GMCL1: variants seen among roughly 807,000 people sequenced by gnomAD.
GMCL1 encodes the protein germ cell-less protein-like 1.
GMCL1 carries 54 observed loss-of-function variants against 75.5 expected under a neutral mutation model. That is an observed-to-expected ratio of 0.71 (90% CI 0.57 to 0.90). The LOEUF (loss-of-function observed/expected upper bound fraction) is 0.90. GMCL1 is among the 40% of genes least tolerant of loss of function. GMCL1 has a pLI of 0.00. For synonymous variants in GMCL1, 210 were observed against 209.6 expected (o/e 1.00, Z -0.02); for missense variants, 537 against 622.7 (o/e 0.86, Z 1.47).
chr2:69,868,088 C>T (rs1675873029), intron 11 of GMCL1, among the ~76,000 whole-genome samples: 1 of 152,180 alleles, frequency 6.6e-6, no homozygotes, highest in East Asian at 1.9e-4. Context: ...TGGACTCTAT[C>T]CATGCTCACC....
intron 1 of GMCL1, among the ~76,000 whole-genome samples, chr2:69,836,576 G>A (rs1329490817): frequency 6.6e-6 from 1 of 152,146 alleles, no homozygotes; most frequent in Admixed American, 6.6e-5. Flanking sequence ...AAGTACACAG[G>A]TGTTAAATTC....
At position 69,879,029 on chromosome 2, in the gene GMCL1, A is replaced by G; in HGVS notation, c.*25A>G. Reference sequence around the variant, plus strand: ...AAAATAATCGTCACCCAGAAAATCCAGAAAACTGAAGATTTCATCAGTTGG... The same window carrying G: ...AAAATAATCGTCACCCAGAAAATCCGGAAAACTGAAGATTTCATCAGTTGG... On this transcript the variant is annotated 3_prime_UTR_variant, in exon 14 of 14. Coordinates refer to ENST00000282570, the MANE Select transcript of GMCL1 (RefSeq NM_178439.5). 2 of 1,427,588 alleles carry G rather than the reference A, an allele frequency of 1.4e-6. No individual in the cohort carries two copies. The highest frequency in any genetic ancestry group is 4.4e-4 in the Middle Eastern group (2 of 4,554). 88.4% of individuals were successfully genotyped at this position (1,427,588 alleles called of 1,614,324 possible). A position where few individuals can be genotyped will look rare whatever the true frequency, so the allele number is the denominator to read the frequency against.
At chr2:69,856,591 A>G (rs576289474) in intron 9 of GMCL1, among the ~76,000 whole-genome samples, 3 of 146,814 alleles carry the variant, frequency 2.0e-5, no homozygotes, top group Non-Finnish European at 4.5e-5. Flanking sequence ...AGACCTTTCT[A>G]CTATATGCCC....
chr2:69,876,096 A>G (rs1676122544), intron 13 of GMCL1, among the ~76,000 whole-genome samples: 1 of 152,194 alleles, frequency 6.6e-6, no homozygotes, highest in African/African-American at 2.4e-5. Flanking sequence ...GTAACTGTCC[A>G]TCTTATAAGA....
chr2:69,872,989 C>T (rs184679628), intron 13 of GMCL1, among the ~76,000 whole-genome samples: 12 of 152,320 alleles, frequency 7.9e-5, no homozygotes, highest in African/African-American at 2.4e-4. Flanking sequence ...GAAATAAAGA[C>T]AGGCTTGTGT....
chr2:69,857,743 T>C (rs1054596055), intron 9 of GMCL1, among the ~76,000 whole-genome samples: 9 of 152,240 alleles, frequency 5.9e-5, no homozygotes, highest in Non-Finnish European at 1.3e-4. Flanking sequence ...GTTTAGTCAC[T>C]CATCTTCATT....
At chr2:69,874,989 C>T (rs1474656542) in intron 13 of GMCL1, among the ~76,000 whole-genome samples, 2 of 152,198 alleles carry the variant, frequency 1.3e-5, no homozygotes, top group South Asian at 2.1e-4. Context: ...AAGTGATCCA[C>T]CTGCCTCCGC....
chr2:69,866,060 C>T (rs1025654025), intron 11 of GMCL1, among the ~76,000 whole-genome samples: 3 of 152,142 alleles, frequency 2.0e-5, no homozygotes, highest in African/African-American at 7.2e-5. Flanking sequence ...ACCATCCTGG[C>T]TAACATGGTG....
At position 69,860,281 on chromosome 2, in the gene GMCL1, C is replaced by T. The variant is rs568099444; in HGVS notation, c.1073-997C>T. Among the ~76,000 whole-genome samples, 8 of 152,238 alleles carry T rather than the reference C, an allele frequency of 5.3e-5. No individual in the cohort carries two copies. The South Asian group carries it at 1.7e-3, about 32-fold the overall frequency. On this transcript the variant is annotated intron_variant, in intron 9 of 13. Coordinates refer to ENST00000282570, the MANE Select transcript of GMCL1 (RefSeq NM_178439.5). Reference sequence around the variant, plus strand: ...GCTTGGGATTACAAGCATGAGCCATCTCACCTGGCCTACTCTTATTTTTAA... The same window carrying T: ...GCTTGGGATTACAAGCATGAGCCATTTCACCTGGCCTACTCTTATTTTTAA...
Position 69,829,690 on chromosome 2 carries a change from C to T in GMCL1, c.-203C>T, listed in dbSNP as rs1349199453. The T allele has an allele frequency of 1.8e-6, 1 of 565,688 alleles. No individual in the cohort carries two copies. Among genetic ancestry groups the T allele is most frequent in the Non-Finnish European group, 3.0e-6 (1 of 332,460 alleles). 35.0% of individuals were successfully genotyped at this position (565,688 alleles called of 1,614,324 possible). A position where few individuals can be genotyped will look rare whatever the true frequency, so the allele number is the denominator to read the frequency against. Reference sequence around the variant, plus strand: ...GTTGCGAAAGCGAGGGGGCGAGGTGCTGCGGTGCTAGAGCGCGGCGCGACC... The same window carrying T: ...GTTGCGAAAGCGAGGGGGCGAGGTGTTGCGGTGCTAGAGCGCGGCGCGACC... On this transcript the variant is annotated 5_prime_UTR_variant, in exon 1 of 14. Coordinates refer to ENST00000282570, the MANE Select transcript of GMCL1 (RefSeq NM_178439.5).
At chr2:69,830,776 T>C (rs1420529753) in intron 1 of GMCL1, among the ~76,000 whole-genome samples, 1 of 152,008 alleles carries the variant, frequency 6.6e-6, no homozygotes, top group African/African-American at 2.4e-5. Context: ...TTTTTTTTTT[T>C]TTTGGATGAG....
chr2:69,863,359 T>C (rs368619041), intron 10 of GMCL1, among the ~76,000 whole-genome samples: 2 of 152,324 alleles, frequency 1.3e-5, no homozygotes, highest in South Asian at 4.1e-4. Context: ...ACCAAGCATC[T>C]GCTCACTGCT....
chr2:69,844,256 T>G, intron 6 of GMCL1, 60 bp downstream of exon 6: 1 of 953,720 alleles, frequency 1.0e-6, no homozygotes, highest in South Asian at 1.6e-5. Flanking sequence ...TATCATTTGT[T>G]AAAGTACATA....
rs1291884597 is a variant in GMCL1 at position 69,865,122 on chromosome 2, GT to G, written c.1218+149del. ...TGTAGCATGATCTGCTGGGAAAGTA[GT>G]TACAGCCACCACACTCAGTAGTGAT... On this transcript the variant is annotated intron_variant, in intron 11 of 13. Coordinates refer to ENST00000282570, the MANE Select transcript of GMCL1 (RefSeq NM_178439.5). 1.1e-5 allele frequency: 6 copies of G among 566,418 alleles called. No individual in the cohort carries two copies. In the Admixed American group the frequency reaches 1.3e-4, roughly 12 times the overall value. 35.1% of individuals were successfully genotyped at this position (566,418 alleles called of 1,614,324 possible).
chr2:69,858,604 T>G (rs991288092), intron 9 of GMCL1, among the ~76,000 whole-genome samples: 1 of 152,194 alleles, frequency 6.6e-6, no homozygotes, highest in Non-Finnish European at 1.5e-5. Context: ...TCTTTTTTTT[T>G]CCTTTTGCAA....
At chr2:69,835,075 A>G (rs1216741660) in intron 1 of GMCL1, among the ~76,000 whole-genome samples, 5 of 152,040 alleles carry the variant, frequency 3.3e-5, no homozygotes, top group African/African-American at 7.2e-5. Flanking sequence ...CCCCACCTAT[A>G]ACCAACTTCG....
Position 69,864,963 on chromosome 2 carries a change from C to G in GMCL1, c.1206C>G (p.Ala402=), listed in dbSNP as rs138299558. ...GNSMRCGRKL[A]KDGEYCWRWT... Reference sequence around the variant, plus strand: ...GCATGAGGTGTGGTAGAAAGCTTGCCAAAGATGGTGAAGTAAGTATGGGTT... The same window carrying G: ...GCATGAGGTGTGGTAGAAAGCTTGCGAAAGATGGTGAAGTAAGTATGGGTT... Residue 402 remains alanine, a synonymous_variant, in exon 11 of 14, where the codon GCC becomes GCG. Coordinates refer to ENST00000282570, the MANE Select transcript of GMCL1 (RefSeq NM_178439.5). 6.2e-7 allele frequency: 1 copy of G among 1,612,210 alleles called. No individual in the cohort carries two copies. Among genetic ancestry groups the G allele is most frequent in the Non-Finnish European group, 8.5e-7 (1 of 1,178,652 alleles).
At chr2:69,845,443 G>A (rs1675113317) in intron 6 of GMCL1, among the ~76,000 whole-genome samples, 1 of 152,172 alleles carries the variant, frequency 6.6e-6, no homozygotes, top group South Asian at 2.1e-4. Flanking sequence ...CTGCAGAGCA[G>A]CCTTTCTTTT....
rs150387701 is a variant in GMCL1, at chr2:69,860,010, A to T, written c.1073-1268A>T. ...GAGCCAATTCTATTTGTATTTATTTATTTTTTTTGAGGCAGGTTCTTGCTC... is the reference window on the plus strand; with the variant it reads ...GAGCCAATTCTATTTGTATTTATTTTTTTTTTTTGAGGCAGGTTCTTGCTC... On this transcript the variant is annotated intron_variant, in intron 9 of 13. Coordinates refer to ENST00000282570, the MANE Select transcript of GMCL1 (RefSeq NM_178439.5). 3.2e-3 allele frequency among the ~76,000 whole-genome samples: 484 copies of T among 151,952 alleles called. 3 individuals are homozygous for T. The highest frequency in any genetic ancestry group is 0.011 in the East Asian group (57 of 5,176).
Sources: allele counts gnomAD v4.1 joint callset (sites outside exome capture counted in the v4.1 genomes callset), GRCh38; gene constraint gnomAD v4.1.1; transcripts MANE v1.5; gene names NCBI Gene and HGNC (gene_info 2026-07-23, HGNC 2026-07-21).